The following MOB3B variants were observed in gnomAD, a reference collection of about 807,000 sequenced individuals.
MOB3B encodes the protein MOB kinase activator 3B, also known as MOB kinase activator-like 2B.
MOB3B carries 7 observed loss-of-function variants against 18.7 expected under a neutral mutation model. That is an observed-to-expected ratio of 0.37 (90% confidence interval 0.21 to 0.70). The LOEUF (loss-of-function observed/expected upper bound fraction) is 0.70. Among genes scored for constraint, MOB3B ranks in the 30% least tolerant of loss-of-function variants. The pLI, the probability that MOB3B is intolerant of heterozygous loss-of-function variation, is 0.52. For synonymous variants in MOB3B, 111 were observed against 99.9 expected (o/e 1.11, Z -0.66); for missense variants, 253 against 281.3 (o/e 0.90, Z 0.72).
rs184110045 is a variant in MOB3B at position 27,378,978 on chromosome 9, G to T, written c.419-19742C>A. Among the ~76,000 whole-genome samples the T allele has an allele frequency of 3.9e-5, 6 of 152,226 alleles. No homozygotes were observed. In the East Asian group the frequency reaches 1.2e-3, roughly 29 times the overall value. ...CCACTGCTCTGTTCTGCCTCCTCAG[G>T]GTCAGAAGGAACCCCTTCCTTTAGG... On this transcript the variant is annotated intron_variant, in intron 2 of 3. Coordinates refer to ENST00000262244, the MANE Select transcript of MOB3B (RefSeq NM_024761.5).
rs1359093014 is a variant in MOB3B, at chr9:27,325,565, T to A, written c.*5022A>T. On this transcript the variant is annotated 3_prime_UTR_variant, in exon 4 of 4. Coordinates refer to ENST00000262244, the MANE Select transcript of MOB3B (RefSeq NM_024761.5). ...ACCTGTCCAGAGGGAAACAGCCTGT[T>A]ATAAAAGCTTTCTGTTAATATATTT... 2 of 152,206 alleles carry A rather than the reference T, an allele frequency of 1.3e-5. No individual in the cohort carries two copies. Among genetic ancestry groups the A allele is most frequent in the Non-Finnish European group, 2.9e-5 (2 of 68,034 alleles). 9.4% of individuals were successfully genotyped at this position (152,206 alleles called of 1,614,324 possible). A position where few individuals can be genotyped will look rare whatever the true frequency, so the allele number is the denominator to read the frequency against.
intron 1 of MOB3B, among the ~76,000 whole-genome samples, chr9:27,498,688 G>A (rs767147897): frequency 1.6e-4 from 25 of 152,174 alleles, no homozygotes; most frequent in Non-Finnish European, 3.2e-4. Context: ...TAGTACTGGG[G>A]TCTCATCCCA....
intron 3 of MOB3B, among the ~76,000 whole-genome samples, chr9:27,353,048 C>G (rs375813618): frequency 4.6e-5 from 7 of 152,280 alleles, no homozygotes; most frequent in African/African-American, 1.7e-4. Context: ...AGATTTTTCT[C>G]CTTTTTGCTT....
chr9:27,346,084 T>C (rs578075130), intron 3 of MOB3B, among the ~76,000 whole-genome samples: 1 of 152,324 alleles, frequency 6.6e-6, no homozygotes, highest in South Asian at 2.1e-4. Context: ...TCCACCCTCA[T>C]GAATGGGATT....
chr9:27,516,193 C>A (rs896020904), intron 1 of MOB3B, among the ~76,000 whole-genome samples: 1 of 152,192 alleles, frequency 6.6e-6, no homozygotes, highest in Non-Finnish European at 1.5e-5. Context: ...GACTTCCAGA[C>A]TCTAGGACTA....
At chr9:27,419,087 C>T (rs1355835387) in intron 2 of MOB3B, among the ~76,000 whole-genome samples, 3 of 141,286 alleles carry the variant, frequency 2.1e-5, no homozygotes. Context: ...GACTTAGTAA[C>T]ATACCTAACC....
intron 3 of MOB3B, chr9:27,358,727 A>G (rs1162234769): frequency 3.8e-6 from 2 of 525,638 alleles, no homozygotes; most frequent in Non-Finnish European, 7.3e-6. Context: ...ATGCCCATTT[A>G]AGGAATTCAA....
chr9:27,487,222 A>G (rs112862946), intron 1 of MOB3B, among the ~76,000 whole-genome samples: 11 of 152,314 alleles, frequency 7.2e-5, no homozygotes, highest in African/African-American at 2.6e-4. Flanking sequence ...ATGCCAGACT[A>G]TATTTTCTGG....
intron 2 of MOB3B, among the ~76,000 whole-genome samples, chr9:27,422,979 C>T (rs186324504): frequency 1.2e-4 from 19 of 152,192 alleles, no homozygotes; most frequent in African/African-American, 2.9e-4. Flanking sequence ...GAATATTAGA[C>T]GAATTATCCC....
At chr9:27,355,904 GTTGAC>G (rs1450021823) in intron 3 of MOB3B, among the ~76,000 whole-genome samples, 1 of 152,150 alleles carries the variant, frequency 6.6e-6, no homozygotes, top group African/African-American at 2.4e-5. Context: ...ATAAAAATGT[GTTGAC>G]TTGACATGTT....
At chr9:27,493,739 G>A (rs891590803) in intron 1 of MOB3B, among the ~76,000 whole-genome samples, 6 of 152,020 alleles carry the variant, frequency 3.9e-5, no homozygotes, top group East Asian at 3.9e-4. Flanking sequence ...CCTGTCAGCC[G>A]AGGAGGATGT....
At chr9:27,485,041 G>A (rs190842813) in intron 1 of MOB3B, among the ~76,000 whole-genome samples, 120 of 152,280 alleles carry the variant, frequency 7.9e-4, no homozygotes, top group African/African-American at 2.7e-3. Flanking sequence ...ATCCAAGTTC[G>A]AGACAAGTGT....
chr9:27,361,500 C>T (rs1340496559), intron 2 of MOB3B, among the ~76,000 whole-genome samples: 1 of 152,210 alleles, frequency 6.6e-6, no homozygotes, highest in Non-Finnish European at 1.5e-5. Flanking sequence ...AGCTAACATA[C>T]TCTGCTGCCT....
At chr9:27,476,262 T>C (rs1217051876) in intron 1 of MOB3B, among the ~76,000 whole-genome samples, 1 of 152,224 alleles carries the variant, frequency 6.6e-6, no homozygotes, top group African/African-American at 2.4e-5. Context: ...GTCTCAGTTT[T>C]GGAGACAAGA....
At chr9:27,525,577 G>A (rs1437097045) in intron 1 of MOB3B, among the ~76,000 whole-genome samples, 1 of 152,136 alleles carries the variant, frequency 6.6e-6, no homozygotes, top group Non-Finnish European at 1.5e-5. Context: ...ATGGATGGTT[G>A]AATTAGACGA....
chr9:27,332,827 G>T (rs1820807717), intron 3 of MOB3B, among the ~76,000 whole-genome samples: 1 of 152,206 alleles, frequency 6.6e-6, no homozygotes, highest in Non-Finnish European at 1.5e-5. Flanking sequence ...CAGGTCTACG[G>T]TTTAAACTCA....
At chr9:27,460,474 C>T (rs932089205) in intron 1 of MOB3B, among the ~76,000 whole-genome samples, 4 of 152,196 alleles carry the variant, frequency 2.6e-5, no homozygotes, top group Admixed American at 2.6e-4. Flanking sequence ...CTATTGATGT[C>T]TTTTGCCTCA....
intron 3 of MOB3B, among the ~76,000 whole-genome samples, chr9:27,333,040 T>C (rs1023666594): frequency 6.6e-6 from 1 of 152,210 alleles, no homozygotes; most frequent in Non-Finnish European, 1.5e-5. Flanking sequence ...CAGTTTGAAT[T>C]ATAGGTACAA....
intron 2 of MOB3B, among the ~76,000 whole-genome samples, chr9:27,389,978 G>C (rs947551497): frequency 6.6e-6 from 1 of 151,914 alleles, no homozygotes; most frequent in Admixed American, 6.6e-5. Flanking sequence ...TAAAATAAAA[G>C]TTGTTACTTG....
Sources: allele counts gnomAD v4.1 joint callset (sites outside exome capture counted in the v4.1 genomes callset), GRCh38; gene constraint gnomAD v4.1.1; transcripts MANE v1.5; gene names NCBI Gene and HGNC (gene_info 2026-07-23, HGNC 2026-07-21).